Variants in NCS1 observed in about 807,000 individuals in gnomAD.
NCS1 encodes the protein neuronal calcium sensor 1.
A neutral mutation model predicts 28.4 loss-of-function variants in NCS1; 6 were observed. That is an observed-to-expected ratio of 0.21 (90% CI 0.12 to 0.42). NCS1 has a LOEUF of 0.42. Ranked by LOEUF, NCS1 falls within the 10% of genes least tolerant of loss-of-function variation. The pLI, the probability that NCS1 is intolerant of heterozygous loss-of-function variation, is 1.00. For synonymous variants in NCS1, 86 were observed against 99.3 expected (o/e 0.87, Z 0.79); for missense variants, 131 against 241.4 (o/e 0.54, Z 3.03).
rs1833233360 is a variant in NCS1 at position 130,219,158 on chromosome 9, C to T, written c.229-567C>T. Among the ~76,000 whole-genome samples, 1 of 152,074 alleles carries T rather than the reference C, an allele frequency of 6.6e-6. No individual in the cohort carries two copies. The highest frequency in any genetic ancestry group is 2.1e-4 in the South Asian group (1 of 4,818). ...GTAGCATTTGAGGGTGGATTTACTG[C>T]CACTTGTCTCTGTACCCCCTGCTGC... On this transcript the variant is annotated intron_variant, in intron 3 of 7. Transcript: ENST00000372398. This position sits in a 1 kb window ranked among gnomAD's most constrained non-coding sequence, Gnocchi z 5.7.
intron 4 of NCS1, among the ~76,000 whole-genome samples, chr9:130,222,114 G>GTA (rs10658970): frequency 0.92 from 69,948 of 76,248 alleles, 32,400 homozygotes; most frequent in East Asian, 0.99. Flanking sequence ...ATATATATAC[G>GTA]TATATATATA....
In NCS1 at chr9:130,191,618, A is replaced by T. The variant is rs1832817046; in HGVS notation, c.65-9340A>T. Reference sequence around the variant, plus strand: ...GCCCAGGTGCCTCATCCTGAGACAGATACAGCAACAGCCCATGGCCCCCTG... The same window carrying T: ...GCCCAGGTGCCTCATCCTGAGACAGTTACAGCAACAGCCCATGGCCCCCTG... On this transcript the variant is annotated intron_variant, in intron 1 of 7. Transcript: ENST00000372398. This position sits in a 1 kb window ranked among gnomAD's most constrained non-coding sequence, Gnocchi z 6.4. Among the ~76,000 whole-genome samples the T allele has an allele frequency of 1.3e-5, 2 of 152,160 alleles. No individual in the cohort carries two copies. Among genetic ancestry groups the T allele is most frequent in the African/African-American group, 4.8e-5 (2 of 41,448 alleles).
chr9:130,194,356 C>T (rs927525140), intron 1 of NCS1, among the ~76,000 whole-genome samples: 2 of 152,104 alleles, frequency 1.3e-5, no homozygotes, highest in African/African-American at 2.4e-5. Context: ...CTGTGGGCAC[C>T]GCGGGTGCTT....
At chr9:130,208,436 G>A (rs569540569) in intron 2 of NCS1, among the ~76,000 whole-genome samples, 4 of 151,948 alleles carry the variant, frequency 2.6e-5, no homozygotes, top group South Asian at 2.1e-4. Flanking sequence ...CCACCACCAC[G>A]CCTGGCTAAT....
At chr9:130,197,023 A>T (rs1366167677) in intron 1 of NCS1, among the ~76,000 whole-genome samples, 1 of 152,200 alleles carries the variant, frequency 6.6e-6, no homozygotes, top group Non-Finnish European at 1.5e-5. Flanking sequence ...GTGGTCTTGT[A>T]GAATGTCCCA....
intron 7 of NCS1, among the ~76,000 whole-genome samples, chr9:130,231,269 T>A (rs982405097): frequency 2.0e-5 from 3 of 152,044 alleles, no homozygotes; most frequent in Admixed American, 2.0e-4. Context: ...GGAGGATTGC[T>A]TGAACCAGGG....
At chr9:130,225,059 G>T (rs1429599851) in intron 6 of NCS1, among the ~76,000 whole-genome samples, 4 of 152,170 alleles carry the variant, frequency 2.6e-5, no homozygotes, top group Non-Finnish European at 5.9e-5. Context: ...GGGTGTGGTG[G>T]TGTGCACCTG....
chr9:130,198,804 A>T (rs1177037397), intron 1 of NCS1, among the ~76,000 whole-genome samples: 1 of 152,072 alleles, frequency 6.6e-6, no homozygotes, highest in Non-Finnish European at 1.5e-5. Flanking sequence ...TGGCTTTAGC[A>T]CCTGTGGCCC....
chr9:130,229,197 A>G (rs762600911), intron 7 of NCS1, among the ~76,000 whole-genome samples: 12 of 152,058 alleles, frequency 7.9e-5, no homozygotes, highest in Non-Finnish European at 1.8e-4. Context: ...CACTCAGTAA[A>G]CTGAGTCACA....
At chr9:130,228,771 A>G (rs991895897) in intron 7 of NCS1, among the ~76,000 whole-genome samples, 8 of 151,418 alleles carry the variant, frequency 5.3e-5, no homozygotes, top group Non-Finnish European at 8.8e-5. Context: ...GGTTCAAACA[A>G]TTCTCCTGCC....
rs1230094355 is a variant in NCS1 at position 130,177,247 on chromosome 9, G to A, written c.64+4520G>A. 2.0e-5 allele frequency among the ~76,000 whole-genome samples: 3 copies of A among 152,202 alleles called. No homozygotes were observed. Among genetic ancestry groups the A allele is most frequent in the Non-Finnish European group, 4.4e-5 (3 of 68,036 alleles). On this transcript the variant is annotated intron_variant, in intron 1 of 7. Transcript: ENST00000372398. This position sits in a 1 kb window ranked among gnomAD's most constrained non-coding sequence, Gnocchi z 4.4. ...TCTTGGGTGTCTCTGGTTGTGGACT[G>A]TCCTGGGGCCCATGAGGGCCCCTTC...
At chr9:130,227,536 A>G (rs905127357) in intron 7 of NCS1, among the ~76,000 whole-genome samples, 1 of 152,234 alleles carries the variant, frequency 6.6e-6, no homozygotes, top group Non-Finnish European at 1.5e-5. Flanking sequence ...TGAGAGTTCC[A>G]GTTGCTCCAC....
chr9:130,185,019 G>A (rs1042192197), intron 1 of NCS1, among the ~76,000 whole-genome samples: 2 of 149,038 alleles, frequency 1.3e-5, no homozygotes, highest in Non-Finnish European at 3.0e-5. Context: ...CACCGCGCCC[G>A]GCCATCCCAG....
In NCS1 at chr9:130,172,539, G is replaced by C. The variant is rs1251563926; in HGVS notation, c.-125G>C. The C allele has an allele frequency of 3.2e-6, 1 of 315,350 alleles. No homozygotes were observed. Among genetic ancestry groups the C allele is most frequent in the African/African-American group, 2.3e-5 (1 of 43,284 alleles). 19.5% of individuals were successfully genotyped at this position (315,350 alleles called of 1,614,324 possible). A position where few individuals can be genotyped will look rare whatever the true frequency, so the allele number is the denominator to read the frequency against. ...CCCGGGCGCCCCGGCGCCGACAGCC[G>C]CGCAGCGCAGCGCGGGCGCCGCAGA... On this transcript the variant is annotated 5_prime_UTR_variant, in exon 1 of 8. Transcript: ENST00000372398.
At position 130,235,570 on chromosome 9, in the gene NCS1, G is replaced by A. The variant is rs1833574608; in HGVS notation, c.*2598G>A. 6.6e-6 allele frequency: 1 copy of A among 152,378 alleles called. No homozygotes were observed. The highest frequency in any genetic ancestry group is 1.5e-5 in the Non-Finnish European group (1 of 68,168). 9.4% of individuals were successfully genotyped at this position (152,378 alleles called of 1,614,324 possible). On this transcript the variant is annotated 3_prime_UTR_variant, in exon 8 of 8. Coordinates refer to ENST00000372398, the MANE Select transcript of NCS1 (RefSeq NM_014286.4). ...GGTGTGGCTTCTGGCCTTAGCAGATGGTATGCTTGCGGACCGCAGCCCAGC... is the reference window on the plus strand; with the variant it reads ...GGTGTGGCTTCTGGCCTTAGCAGATAGTATGCTTGCGGACCGCAGCCCAGC...
At chr9:130,211,988 CG>C (rs534621030) in intron 2 of NCS1, among the ~76,000 whole-genome samples, 121 of 152,082 alleles carry the variant, frequency 8.0e-4, no homozygotes, top group African/African-American at 2.8e-3. Flanking sequence ...GAGAAGGAAG[CG>C]GTGAGTGGAG....
intron 1 of NCS1, among the ~76,000 whole-genome samples, chr9:130,196,196 AT>A (rs1832876549): frequency 6.6e-6 from 1 of 152,168 alleles, no homozygotes. Context: ...CCCTCCTGGC[AT>A]TGTGCAGTGG....
chr9:130,213,071 C>T (rs1254372037), intron 2 of NCS1, among the ~76,000 whole-genome samples: 5 of 152,298 alleles, frequency 3.3e-5, no homozygotes, highest in South Asian at 4.1e-4. Context: ...GGGTAGCAGT[C>T]GCTTTACCCA....
At chr9:130,185,140 G>C (rs1832722186) in intron 1 of NCS1, among the ~76,000 whole-genome samples, 1 of 152,202 alleles carries the variant, frequency 6.6e-6, no homozygotes, top group Non-Finnish European at 1.5e-5. Context: ...TTCCAGGGGG[G>C]ATGTCCTTGG....
Sources: gnomAD v4.1 joint callset for allele counts (sites outside exome capture counted in the v4.1 genomes callset) on GRCh38, gnomAD v4.1.1 for gene constraint, Gnocchi (gnomAD v3.1) non-coding constraint, MANE v1.5 for transcripts, NCBI Gene and HGNC (gene_info 2026-07-23, HGNC 2026-07-21) for gene names.